NXPE2: variants seen among roughly 807,000 people sequenced by gnomAD.
NXPE2 encodes NXPE family member 2.
Under a neutral mutation model 34.4 loss-of-function variants are expected in NXPE2, and 34 were observed. The observed-to-expected ratio is 0.99, with a 90% CI of 0.75 to 1.31. The LOEUF (loss-of-function observed/expected upper bound fraction) is 1.31, where lower values mean the gene tolerates loss of function less well. NXPE2 is among the 40% of genes most tolerant of loss of function. The pLI, the probability that NXPE2 is intolerant of heterozygous loss-of-function variation, is 0.00. For missense variants in NXPE2, 649 were observed against 672.5 expected (o/e 0.97, Z 0.39); for synonymous variants, 235 against 231.3 (o/e 1.02, Z -0.15).
upstream of NXPE2, among the ~76,000 whole-genome samples, chr11:114,674,817 C>T (rs533699328): frequency 6.6e-6 from 1 of 151,834 alleles, no homozygotes; most frequent in South Asian, 2.1e-4. Context: ...CCAGCATTGT[C>T]CCGATATCAA....
At chr11:114,521,007 A>C in the NXPE2 span, among the ~76,000 whole-genome samples, 2 of 152,218 alleles carry the variant, frequency 1.3e-5, no homozygotes, top group Non-Finnish European at 2.9e-5. Context: ...CCTTTTAAAA[A>C]AGTTCATTCA....
chr11:114,687,530 A>G lies in NXPE2; in HGVS notation c.132+7768A>G, dbSNP rs548805189. On this transcript the variant is annotated intron_variant, in intron 2 of 5. Coordinates refer to ENST00000389586, the MANE Select transcript of NXPE2 (RefSeq NM_182495.6). ...GGTTACTGTAACCTTGTAGTGAAGT[A>G]TAAAGTTGGACAATGTGATGCCACT... Among the ~76,000 whole-genome samples the G allele has an allele frequency of 7.9e-5, 12 of 152,048 alleles. No individual in the cohort carries two copies. The South Asian group carries it at 8.3e-4, about 10-fold the overall frequency.
the NXPE2 span, among the ~76,000 whole-genome samples, chr11:114,646,667 C>A: frequency 1.3e-5 from 2 of 151,740 alleles, no homozygotes; most frequent in African/African-American, 4.8e-5. Context: ...TAAAATAGAC[C>A]CAATTACCTC....
At chr11:114,627,786 A>G in the NXPE2 span, among the ~76,000 whole-genome samples, 1 of 152,100 alleles carries the variant, frequency 6.6e-6, no homozygotes, top group African/African-American at 2.4e-5. Context: ...TCTCACAGGC[A>G]GAGACACACA....
chr11:114,726,238 T>C, the NXPE2 span, among the ~76,000 whole-genome samples: 1 of 151,952 alleles, frequency 6.6e-6, no homozygotes, highest in African/African-American at 2.4e-5. Flanking sequence ...GCCATTTAAA[T>C]CATGCTCCCC....
chr11:114,514,818 C>T, the NXPE2 span, among the ~76,000 whole-genome samples: 1 of 152,038 alleles, frequency 6.6e-6, no homozygotes, highest in Non-Finnish European at 1.5e-5. Context: ...CTTCCTTGCT[C>T]CAACTTTTTC....
At chr11:114,711,977 G>A (rs1479931077), downstream of NXPE2, among the ~76,000 whole-genome samples, 3 of 152,078 alleles carry the variant, frequency 2.0e-5, no homozygotes, top group African/African-American at 7.2e-5. Flanking sequence ...TTCAGGAAGT[G>A]TGCCACAACT....
the NXPE2 span, among the ~76,000 whole-genome samples, chr11:114,479,664 C>G: frequency 6.6e-6 from 1 of 152,114 alleles, no homozygotes; most frequent in Non-Finnish European, 1.5e-5. Context: ...CAGTTAGATC[C>G]AGCAGTTTGA....
At chr11:114,625,891 T>C in the NXPE2 span, among the ~76,000 whole-genome samples, 1 of 152,220 alleles carries the variant, frequency 6.6e-6, no homozygotes, top group South Asian at 2.1e-4. Context: ...GAGTTCCCTT[T>C]CCTAGTCAAA....
At chr11:114,615,421 ATAAG>A in the NXPE2 span, among the ~76,000 whole-genome samples, 1 of 151,956 alleles carries the variant, frequency 6.6e-6, no homozygotes, top group South Asian at 2.1e-4. Flanking sequence ...CCTATGGAGA[ATAAG>A]TAATGCCTCA....
At chr11:114,616,160 T>C in the NXPE2 span, among the ~76,000 whole-genome samples, 1 of 149,894 alleles carries the variant, frequency 6.7e-6, no homozygotes, top group Non-Finnish European at 1.5e-5. Context: ...TGGGTAACCA[T>C]GGTTACCCTG....
At chr11:114,771,643 G>A in the NXPE2 span, among the ~76,000 whole-genome samples, 1 of 152,128 alleles carries the variant, frequency 6.6e-6, no homozygotes, top group Non-Finnish European at 1.5e-5. Flanking sequence ...TCCTTTGCGT[G>A]TACCTCACCC....
At chr11:114,584,247 T>C in the NXPE2 span, 2 of 460,572 alleles carry the variant, frequency 4.3e-6, no homozygotes, top group South Asian at 3.5e-5. Context: ...CTTCATACAA[T>C]GATTACTTTG....
chr11:114,804,188 C>T, the NXPE2 span, among the ~76,000 whole-genome samples: 1 of 151,236 alleles, frequency 6.6e-6, no homozygotes, highest in Non-Finnish European at 1.5e-5. Context: ...AAAGGAAGCT[C>T]ATCAAGTATC....
the NXPE2 span, chr11:114,571,026 A>G: frequency 1.2e-6 from 2 of 1,613,400 alleles, no homozygotes; most frequent in Admixed American, 1.7e-5. Context: ...TGCAATTGTT[A>G]TATCCCAGGC....
the NXPE2 span, among the ~76,000 whole-genome samples, chr11:114,630,520 A>G: frequency 2.0e-5 from 3 of 151,704 alleles, no homozygotes; most frequent in Admixed American, 6.6e-5. Context: ...ACAAAAATCA[A>G]TTCAAGATGG....
chr11:114,558,256 T>G, the NXPE2 span, among the ~76,000 whole-genome samples: 1 of 152,152 alleles, frequency 6.6e-6, no homozygotes, highest in African/African-American at 2.4e-5. Flanking sequence ...TATGTTTTTC[T>G]TTTTATTTCA....
At chr11:114,525,614 C>T in the NXPE2 span, among the ~76,000 whole-genome samples, 1 of 152,164 alleles carries the variant, frequency 6.6e-6, no homozygotes, top group Non-Finnish European at 1.5e-5. Flanking sequence ...TTTGTAAGTG[C>T]CTGTTTTTCC....
chr11:114,750,182 T>A, the NXPE2 span, among the ~76,000 whole-genome samples: 1 of 152,164 alleles, frequency 6.6e-6, no homozygotes, highest in Non-Finnish European at 1.5e-5. Flanking sequence ...GGTGTTAGAA[T>A]CAAACTCTTC....
Sources: allele counts gnomAD v4.1 joint callset (sites outside exome capture counted in the v4.1 genomes callset), GRCh38; gene constraint gnomAD v4.1.1; transcripts MANE v1.5; gene names NCBI Gene and HGNC (gene_info 2026-07-23, HGNC 2026-07-21).